The following POLQ variants were observed in gnomAD, a reference collection of about 807,000 sequenced individuals.
POLQ encodes epididymis secretory sperm binding protein.
Under a neutral mutation model 259.2 loss-of-function variants are expected in POLQ, and 233 were observed. The observed-to-expected ratio is 0.90, with a 90% CI of 0.81 to 1.00. The LOEUF is 1.00. POLQ is among the 50% of genes least tolerant of loss of function. The pLI is 0.00. For missense variants in POLQ, 2,871 were observed against 3,051.6 expected (o/e 0.94, Z 1.39); for synonymous variants, 1,025 against 1,048.8 (o/e 0.98, Z 0.44).
intron 19 of POLQ, 144 bp downstream of exon 19, chr3:121,481,426 ACT>A (rs1228014378): frequency 3.0e-6 from 2 of 677,062 alleles, no homozygotes; most frequent in Admixed American, 6.3e-5. Context: ...AAAAATATTT[ACT>A]CTCTGGCCTT....
At chr3:121,490,712 T>C (rs2048060968) in intron 15 of POLQ, among the ~76,000 whole-genome samples, 1 of 152,196 alleles carries the variant, frequency 6.6e-6, no homozygotes, top group South Asian at 2.1e-4. Flanking sequence ...CTAAGACAGA[T>C]TCTTTAAGTA....
Position 121,476,520 on chromosome 3 carries a change from C to A in POLQ, c.6405+20G>T. 1 of 1,578,620 alleles carries A rather than the reference C, an allele frequency of 6.3e-7. No homozygotes were observed. The highest frequency in any genetic ancestry group is 8.7e-7 in the Non-Finnish European group (1 of 1,151,762). ...AACTCTAAAAATTATGTATCTATAT[C>A]CCTAGCCCCATGATACAACCTCAGC... is the stretch of plus-strand genomic sequence containing the variant. On this transcript the variant is annotated intron_variant, in intron 20 of 29. Transcript: ENST00000264233.
intron 25 of POLQ, among the ~76,000 whole-genome samples, chr3:121,455,485 G>T (rs1279746272): frequency 1.3e-5 from 2 of 149,384 alleles, no homozygotes; most frequent in Non-Finnish European, 3.0e-5. Flanking sequence ...TAGACTGCTA[G>T]CAAGACTAAT....
intron 20 of POLQ, 88 bp downstream of exon 20, chr3:121,476,452 A>G: frequency 1.1e-6 from 1 of 894,760 alleles, no homozygotes; most frequent in Non-Finnish European, 1.6e-6. Context: ...GTGTTCAGGT[A>G]AATACACACA....
intron 22 of POLQ, among the ~76,000 whole-genome samples, chr3:121,470,444 G>C (rs2047874594): frequency 1.3e-5 from 2 of 152,102 alleles, no homozygotes; most frequent in South Asian, 4.1e-4. Flanking sequence ...GATAAAGCAA[G>C]CAGAGAAAAG....
chr3:121,467,492 A>G, intron 24 of POLQ, 27 bp downstream of exon 24: 3 of 1,608,638 alleles, frequency 1.9e-6, no homozygotes, highest in Non-Finnish European at 2.5e-6. Flanking sequence ...CAGCAATGAG[A>G]AGCTTCAAAG....
chr3:121,462,186 G>C (rs936929197), intron 24 of POLQ, among the ~76,000 whole-genome samples: 10 of 152,030 alleles, frequency 6.6e-5, no homozygotes, highest in Non-Finnish European at 2.9e-5. Context: ...TCACACAAGG[G>C]ATACTCAAAC....
Position 121,494,582 on chromosome 3 carries a change from C to G in POLQ, c.2279-861G>C. On this transcript the variant is annotated intron_variant, in intron 14 of 29. Transcript: ENST00000264233. ...GAAAGCTCAGCTGGTGGTGATTGCA[C>G]ACAACGCGGATCCCATCAAGCTGGC... is the stretch of plus-strand genomic sequence containing the variant. 5 of 1,571,416 alleles carry G rather than the reference C, an allele frequency of 3.2e-6. No individual in the cohort carries two copies. The Admixed American group carries it at 8.7e-5, about 27-fold the overall frequency.
In POLQ at chr3:121,488,590, T is replaced by G. The variant is rs2048034499; in HGVS notation, c.4341A>C (p.Gln1447His). The G allele has an allele frequency of 6.2e-7, 1 of 1,608,336 alleles. No homozygotes were observed. Among genetic ancestry groups the G allele is most frequent in the Non-Finnish European group, 8.5e-7 (1 of 1,178,440 alleles). The part of the protein sequence containing the change: ...VTDSQLNSFL[Q>H]GYQTQETVKP... ...TCACAGTTTCTTGTGTTTGATAACCTTGAAGAAAACTATTTAATTGTGAAT... is the reference window on the plus strand; with the variant it reads ...TCACAGTTTCTTGTGTTTGATAACCGTGAAGAAAACTATTTAATTGTGAAT... Residue 1447 changes from glutamine to histidine, a missense_variant, in exon 16 of 30, where the codon CAA (glutamine) becomes CAC (histidine). Gln to His is a conservative substitution (Grantham distance 24). This residue lies in a region of POLQ where 2,080 missense variants were observed against 2,126.0 expected (regional missense o/e 0.98). Transcript: ENST00000264233.
chr3:121,454,096 A>T (rs2108780446), intron 25 of POLQ, among the ~76,000 whole-genome samples: 1 of 152,348 alleles, frequency 6.6e-6, no homozygotes, highest in African/African-American at 2.4e-5. Context: ...TAAAGAAATG[A>T]ATTTTCAACC....
At chr3:121,516,300 T>C (rs1334575630) in intron 9 of POLQ, among the ~76,000 whole-genome samples, 1 of 152,176 alleles carries the variant, frequency 6.6e-6, no homozygotes, top group East Asian at 1.9e-4. Flanking sequence ...ATATAACACC[T>C]GACTCTTGCA....
At chr3:121,453,268 G>A (rs564147815) in intron 25 of POLQ, among the ~76,000 whole-genome samples, 1 of 152,016 alleles carries the variant, frequency 6.6e-6, no homozygotes, top group Non-Finnish European at 1.5e-5. Flanking sequence ...ACCAAAAGTA[G>A]ATAAAACCAC....
chr3:121,465,175 C>T (rs1360266064), intron 24 of POLQ, among the ~76,000 whole-genome samples: 1 of 151,856 alleles, frequency 6.6e-6, no homozygotes, highest in East Asian at 1.9e-4. Context: ...CAGCCCCAAC[C>T]TCCAGGGCTC....
chr3:121,437,724 TGTACAA>T (rs975910868), intron 27 of POLQ, among the ~76,000 whole-genome samples: 6 of 152,130 alleles, frequency 3.9e-5, no homozygotes, highest in Non-Finnish European at 7.4e-5. Context: ...CCAAGAACCT[TGTACAA>T]GCATGTTCAA....
intron 5 of POLQ, 67 bp from the exon 6 acceptor site, chr3:121,533,276 A>C (rs2048425441): frequency 1.9e-6 from 2 of 1,079,752 alleles, no homozygotes; most frequent in Non-Finnish European, 2.6e-6. Flanking sequence ...TGTTGCTAAC[A>C]ATATTCTTGG....
chr3:121,487,540 G>A lies in POLQ; in HGVS notation c.5391C>T (p.Ser1797=), dbSNP rs576897261. Residue 1797 remains serine, a synonymous_variant, in exon 16 of 30, where the codon AGC becomes AGT. Transcript: ENST00000264233. The part of the protein sequence containing the change: ...PGSRNGFKDN[S]PISDTSFSLQ... Reference sequence around the variant, plus strand: ...GTGAAAAGCTTGTGTCACTAATAGGGCTGTTGTCTTTGAACCCATTTCTAC... The same window carrying A: ...GTGAAAAGCTTGTGTCACTAATAGGACTGTTGTCTTTGAACCCATTTCTAC... The A allele has an allele frequency of 3.7e-6, 6 of 1,613,880 alleles. No individual in the cohort carries two copies. The South Asian group carries it at 4.4e-5, about 12-fold the overall frequency.
intron 25 of POLQ, among the ~76,000 whole-genome samples, chr3:121,450,700 TTC>T (rs1434520387): frequency 1.3e-5 from 2 of 152,298 alleles, no homozygotes; most frequent in African/African-American, 4.8e-5. Flanking sequence ...AACCCGACCT[TTC>T]TCTCTGGCTG....
At chr3:121,494,446 G>A (rs1560099402) in intron 14 of POLQ, 5 of 1,519,592 alleles carry the variant, frequency 3.3e-6, no homozygotes, top group Non-Finnish European at 1.8e-6. Flanking sequence ...AGAAGCAGAG[G>A]CTGTTGGCCT....
Position 121,489,046 on chromosome 3 carries a change from T to C in POLQ, c.3885A>G (p.Thr1295=). The change falls in exon 16 of 30, where the codon ACA becomes ACG. Residue 1295 remains threonine, a synonymous_variant. Transcript: ENST00000264233. The part of the protein sequence containing the change: ...FLNISRLQEK[T]GTYTTNKTKN... ...TAGTTTTGTTTGTTGTATAAGTACC[T>C]GTTTTTTCTTGTAGTCTAGAAATAT... The C allele has an allele frequency of 6.2e-7, 1 of 1,613,224 alleles. No homozygotes were observed. Among genetic ancestry groups the C allele is most frequent in the Non-Finnish European group, 8.5e-7 (1 of 1,179,330 alleles).
Sources: allele counts gnomAD v4.1 joint callset (sites outside exome capture counted in the v4.1 genomes callset), GRCh38; gene constraint gnomAD v4.1.1; regional missense constraint gnomAD v4.1.1; transcripts MANE v1.5; gene names NCBI Gene and HGNC (gene_info 2026-07-23, HGNC 2026-07-21).